DYNC2I1: variants seen among roughly 807,000 people sequenced by gnomAD.
The protein encoded by DYNC2I1 is dynein 2 intermediate chain 1.
DYNC2I1 carries 89 observed loss-of-function variants against 133.4 expected under a neutral mutation model. The observed-to-expected ratio is 0.67, with a 90% CI of 0.56 to 0.80. DYNC2I1 has a LOEUF of 0.80. Among genes scored for constraint, DYNC2I1 ranks in the 30% least tolerant of loss-of-function variants. DYNC2I1 has a pLI of 0.00. For synonymous variants in DYNC2I1, 504 were observed against 484.3 expected, an observed-to-expected ratio of 1.04 and a Z score of -0.54; for missense variants, 1,291 against 1,314.5, an observed-to-expected ratio of 0.98 and a Z score of 0.28.
intron 14 of DYNC2I1, among the ~76,000 whole-genome samples, chr7:158,917,408 C>A (rs1175822135): frequency 9.0e-6 from 1 of 111,616 alleles, no homozygotes; most frequent in African/African-American, 3.9e-5. Flanking sequence ...TCACTAAACA[C>A]CTCCTGTCCT....
intron 3 of DYNC2I1, among the ~76,000 whole-genome samples, chr7:158,872,384 G>A (rs1037952827): frequency 6.6e-6 from 1 of 152,224 alleles, no homozygotes; most frequent in Admixed American, 6.5e-5. Flanking sequence ...TGTAATCCCA[G>A]CACTTTGGGA....
intron 5 of DYNC2I1, among the ~76,000 whole-genome samples, chr7:158,883,239 A>G (rs1844230629): frequency 7.5e-6 from 1 of 132,494 alleles, no homozygotes; most frequent in Non-Finnish European, 1.6e-5. Flanking sequence ...TTTTTTTGAG[A>G]TTGAGTCTCA....
chr7:158,945,882 T>A lies in DYNC2I1; in HGVS notation c.*103T>A, dbSNP rs1465790619. 2.6e-6 allele frequency: 3 copies of A among 1,135,550 alleles called. No homozygotes were observed. The highest frequency in any genetic ancestry group is 3.6e-6 in the Non-Finnish European group (3 of 833,382). The allele number at this position is 1,135,550 out of a possible 1,614,324, so 70.3% of individuals were successfully genotyped here. A position where few individuals can be genotyped will look rare whatever the true frequency, so the allele number is the denominator to read the frequency against. The stretch of plus-strand genomic sequence containing the variant: ...TGCAAGTATATTTATGTATATAGAC[T>A]ATGTATATTCTGTATATAATTTATT... On this transcript the variant is annotated 3_prime_UTR_variant, in exon 25 of 25. Transcript: ENST00000407559. This position sits in a 1 kb window ranked among gnomAD's most constrained non-coding sequence, Gnocchi z 4.1.
At chr7:158,865,523 G>T (rs1025318007) in intron 1 of DYNC2I1, among the ~76,000 whole-genome samples, 1 of 152,212 alleles carries the variant, frequency 6.6e-6, no homozygotes, top group Non-Finnish European at 1.5e-5. Context: ...GTGCATGAAG[G>T]ATGCTGGCCC....
intron 12 of DYNC2I1, 98 bp from the exon 13 acceptor site, chr7:158,912,887 C>G: frequency 1.2e-6 from 1 of 840,378 alleles, no homozygotes; most frequent in Non-Finnish European, 1.9e-6. Flanking sequence ...TGCTTTGATA[C>G]TTACTTTTGA....
intron 1 of DYNC2I1, among the ~76,000 whole-genome samples, chr7:158,863,083 G>A (rs571038447): frequency 1.4e-5 from 2 of 143,616 alleles, no homozygotes; most frequent in East Asian, 4.5e-4. Context: ...TCCACAGTGT[G>A]GAAGGGGACC....
intron 11 of DYNC2I1, among the ~76,000 whole-genome samples, chr7:158,908,168 A>T (rs1847032679): frequency 6.6e-6 from 1 of 152,154 alleles, no homozygotes; most frequent in Non-Finnish European, 1.5e-5. Context: ...GTAAGGAAAT[A>T]GTATAGAGGC....
At chr7:158,888,019 CTTTT>C (rs545903783) in intron 7 of DYNC2I1, among the ~76,000 whole-genome samples, 41 of 96,592 alleles carry the variant, frequency 4.2e-4, no homozygotes, top group Non-Finnish European at 6.8e-4. Context: ...AACCATTGTC[CTTTT>C]TTTTTTTTTT....
At chr7:158,849,736 C>T in the DYNC2I1 span, among the ~76,000 whole-genome samples, 1 of 152,206 alleles carries the variant, frequency 6.6e-6, no homozygotes, top group Non-Finnish European at 1.5e-5. Context: ...CAGGTTGTCT[C>T]TCTGCAGCTC....
intron 2 of DYNC2I1, among the ~76,000 whole-genome samples, chr7:158,870,881 C>T (rs1342331704): frequency 1.3e-5 from 2 of 152,028 alleles, no homozygotes; most frequent in Non-Finnish European, 2.9e-5. Flanking sequence ...TTTGATTTGC[C>T]GATCAGTGTG....
In DYNC2I1 at chr7:158,911,615, A is replaced by T. The variant is rs1489432973; in HGVS notation, c.1526A>T (p.Asp509Val). The T allele has an allele frequency of 4.3e-6, 7 of 1,613,544 alleles. No individual in the cohort carries two copies. In the East Asian group the frequency reaches 1.6e-4, roughly 36 times the overall value. The change falls in exon 12 of 25, where the codon GAT becomes GTT. Residue 509 changes from aspartate to valine, a missense_variant. Coordinates refer to ENST00000407559, the MANE Select transcript of DYNC2I1 (RefSeq NM_018051.5). Reference sequence around the variant, plus strand: ...TTTTCATTTACTTTCTCTCTCTTGGATCTACCACCAGTAAATGAATATGAC... The same window carrying T: ...TTTTCATTTACTTTCTCTCTCTTGGTTCTACCACCAGTAAATGAATATGAC... ...LDFSFTFSLL[D>V]LPPVNEYDMY...
intron 22 of DYNC2I1, 25 bp downstream of exon 22, chr7:158,934,253 C>G: frequency 6.3e-7 from 1 of 1,579,522 alleles, no homozygotes. Context: ...AAATTTAATC[C>G]TATTACTCAT....
rs1182344645 is a variant in DYNC2I1, at chr7:158,891,275, A to C, written c.1001A>C (p.Glu334Ala). Residue 334 changes from glutamate (E) to alanine (A), a missense_variant, in exon 8 of 25, where the codon GAG (glutamate) becomes GCG (alanine). Glu to Ala is a moderately radical substitution (Grantham distance 107, BLOSUM62 -1). Coordinates refer to ENST00000407559, the MANE Select transcript of DYNC2I1 (RefSeq NM_018051.5). ...TTCTCTCTCCATTAGCATGGCCACG[A>C]GGAAGGCTCTTCTGTGTGGTGGAAG... ...DKDSRRKHGH[E>A]EGSSVWWKLD... 6.8e-6 allele frequency: 11 copies of C among 1,613,902 alleles called. No homozygotes were observed.
the DYNC2I1 span, among the ~76,000 whole-genome samples, chr7:158,839,779 T>C: frequency 6.6e-6 from 1 of 151,166 alleles, no homozygotes; most frequent in Non-Finnish European, 1.5e-5. Flanking sequence ...AAGATAGTGA[T>C]ACTGCACTCC....
intron 4 of DYNC2I1, among the ~76,000 whole-genome samples, chr7:158,955,939 C>T (rs1461267184): frequency 6.6e-6 from 1 of 152,230 alleles, no homozygotes; most frequent in Non-Finnish European, 1.5e-5. Flanking sequence ...GTTGGGCGAT[C>T]TGGCAGGTAT....
chr7:158,846,027 C>T, the DYNC2I1 span, among the ~76,000 whole-genome samples: 3 of 152,038 alleles, frequency 2.0e-5, no homozygotes, highest in Non-Finnish European at 4.4e-5. Flanking sequence ...TGGGAGGCCA[C>T]GGCAGGCAGA....
At position 158,869,862 on chromosome 7, in the gene DYNC2I1, C is replaced by T; in HGVS notation, c.23C>T (p.Thr8Ile). Residue 8 changes from threonine (T) to isoleucine (I), a missense_variant, in exon 2 of 25, where the codon ACC becomes ATC. Coordinates refer to ENST00000407559, the MANE Select transcript of DYNC2I1 (RefSeq NM_018051.5). MEPGKRR[T>I]KDDTWKADDL... ...TTATACTTTTCTATTTAGAGAAGAACCAAAGATGATACCTGGAAAGCAGAT... is the reference window on the plus strand; with the variant it reads ...TTATACTTTTCTATTTAGAGAAGAATCAAAGATGATACCTGGAAAGCAGAT... The T allele has an allele frequency of 6.2e-7, 1 of 1,612,490 alleles. No homozygotes were observed. The highest frequency in any genetic ancestry group is 8.5e-7 in the Non-Finnish European group (1 of 1,178,804).
intron 7 of DYNC2I1, among the ~76,000 whole-genome samples, chr7:158,889,066 C>CACACACACACA: frequency 6.9e-6 from 1 of 144,442 alleles, no homozygotes; most frequent in South Asian, 2.2e-4. Context: ...CACACACACA[C>CACACACACACA]CCCTCCTGTT....
At chr7:158,859,290 C>T (rs897069379) in intron 1 of DYNC2I1, among the ~76,000 whole-genome samples, 5 of 151,858 alleles carry the variant, frequency 3.3e-5, no homozygotes, top group African/African-American at 1.2e-4. Context: ...AATAATTTCC[C>T]AGAACTTTGA....
Sources: gnomAD v4.1 joint callset for allele counts (sites outside exome capture counted in the v4.1 genomes callset) on GRCh38, gnomAD v4.1.1 for gene constraint, Gnocchi (gnomAD v3.1) non-coding constraint, MANE v1.5 for transcripts, NCBI Gene and HGNC (gene_info 2026-07-23, HGNC 2026-07-21) for gene names.